The following GAS7 variants were observed in gnomAD, a reference collection of about 807,000 sequenced individuals.
The protein encoded by GAS7 is growth arrest specific 7, also known as growth arrest-specific protein 7.
Under a neutral mutation model 71.1 loss-of-function variants are expected in GAS7, and 28 were observed. The ratio of observed to expected loss-of-function variants is 0.39; its 90% CI spans 0.29 to 0.54. The LOEUF (loss-of-function observed/expected upper bound fraction) is 0.54, where lower values mean the gene tolerates loss of function less well. Ranked by LOEUF, GAS7 falls within the 20% of genes least tolerant of loss-of-function variation. GAS7 has a pLI of 0.62. For synonymous variants in GAS7, 258 were observed against 245.8 expected (o/e 1.05, Z -0.46); for missense variants, 436 against 627.8 (o/e 0.69, Z 3.27).
intron 1 of GAS7, among the ~76,000 whole-genome samples, chr17:10,126,632 G>A (rs557106822): frequency 5.9e-5 from 9 of 151,916 alleles, no homozygotes; most frequent in South Asian, 2.1e-4. Context: ...TCACACACTC[G>A]CGCACACACA....
Position 9,981,911 on chromosome 17 carries a change from A to C in GAS7, c.305-27T>G, listed in dbSNP as rs747314291. ...TGGTGAAAGAAGAGCAAAGAAAATC[A>C]CTTTGAGAATGTCACAGGGCAGAAC... On this transcript the variant is annotated intron_variant, in intron 2 of 13. Transcript: ENST00000432992. This position sits in a 1 kb window ranked among gnomAD's most constrained non-coding sequence, Gnocchi z 4.4. 8 of 1,285,784 alleles carry C rather than the reference A, an allele frequency of 6.2e-6. No homozygotes were observed. Among genetic ancestry groups the C allele is most frequent in the African/African-American group, 1.5e-5 (1 of 68,764 alleles). 79.6% of individuals were successfully genotyped at this position (1,285,784 alleles called of 1,614,324 possible).
At chr17:10,082,297 T>C (rs1485779495) in intron 1 of GAS7, among the ~76,000 whole-genome samples, 3 of 151,978 alleles carry the variant, frequency 2.0e-5, no homozygotes, top group African/African-American at 7.2e-5. Context: ...GGGAAAGGAA[T>C]TGGAAGAACA....
At chr17:10,051,955 C>T (rs1567570058) in intron 1 of GAS7, among the ~76,000 whole-genome samples, 4 of 152,116 alleles carry the variant, frequency 2.6e-5, no homozygotes, top group Non-Finnish European at 4.4e-5. Context: ...TAAAGGACTA[C>T]TGTGGACCAG....
At chr17:9,992,710 C>A (rs955097156) in intron 2 of GAS7, among the ~76,000 whole-genome samples, 7 of 151,730 alleles carry the variant, frequency 4.6e-5, no homozygotes, top group Admixed American at 2.6e-4. Flanking sequence ...CCCACCAACT[C>A]ATCATCTAGC....
At chr17:10,121,235 G>A (rs986618274) in intron 1 of GAS7, among the ~76,000 whole-genome samples, 1 of 152,120 alleles carries the variant, frequency 6.6e-6, no homozygotes, top group Non-Finnish European at 1.5e-5. Flanking sequence ...ACAAAAATTA[G>A]CCGGACGTGG....
intron 1 of GAS7, among the ~76,000 whole-genome samples, chr17:10,042,542 T>C (rs972079519): frequency 6.6e-6 from 1 of 152,076 alleles, no homozygotes; most frequent in African/African-American, 2.4e-5. Context: ...AGGCAGGTAT[T>C]GTATGTAGGA....
chr17:10,041,589 A>G (rs916201032), intron 1 of GAS7, among the ~76,000 whole-genome samples: 9 of 152,318 alleles, frequency 5.9e-5, no homozygotes, highest in African/African-American at 2.2e-4. Flanking sequence ...CCCAAAGTTA[A>G]TCTCTCAGAG....
At chr17:10,074,900 A>C (rs183026014) in intron 1 of GAS7, among the ~76,000 whole-genome samples, 31 of 152,222 alleles carry the variant, frequency 2.0e-4, no homozygotes, top group African/African-American at 7.2e-4. Context: ...GGAAATGCAG[A>C]GATATTGAAA....
chr17:10,091,555 T>C (rs2152256239), intron 1 of GAS7, among the ~76,000 whole-genome samples: 1 of 152,076 alleles, frequency 6.6e-6, no homozygotes, highest in Middle Eastern at 3.4e-3. Flanking sequence ...ACCCAGCTAA[T>C]TTTTGTATTT....
intron 2 of GAS7, among the ~76,000 whole-genome samples, chr17:9,982,824 G>GGAAAGAAAGGAAAGAAAGGAAA (rs1555611352): frequency 8.6e-6 from 1 of 116,184 alleles, no homozygotes; most frequent in African/African-American, 4.0e-5. Flanking sequence ...AGGAAAGAAA[G>GGAAAGAAAGGAAAGAAAGGAAA]GAAAGAAAGA....
chr17:9,937,931 A>G lies in GAS7; in HGVS notation c.806+2195T>C, dbSNP rs140139807. On this transcript the variant is annotated intron_variant, in intron 8 of 13. Transcript: ENST00000432992. ...TTTTTTTTACAGAGGTGAAATTCAT[A>G]TAACATAAAATTAACCGTTGAAAAG... Among the ~76,000 whole-genome samples the G allele has an allele frequency of 7.6e-4, 116 of 152,336 alleles. 1 individual carries two copies. Among genetic ancestry groups the G allele is most frequent in the African/African-American group, 2.7e-3 (112 of 41,564 alleles).
intron 11 of GAS7, among the ~76,000 whole-genome samples, chr17:9,920,543 A>G (rs1226303025): frequency 6.6e-6 from 1 of 152,224 alleles, no homozygotes; most frequent in Non-Finnish European, 1.5e-5. Context: ...TACACAAATC[A>G]CAGTCTGTGG....
intron 1 of GAS7, among the ~76,000 whole-genome samples, chr17:10,083,650 A>C (rs2073481865): frequency 6.6e-6 from 1 of 152,250 alleles, no homozygotes; most frequent in South Asian, 2.1e-4. Flanking sequence ...ATTTTATTGA[A>C]TGATGAAACA....
At chr17:10,102,955 T>C (rs2073719217) in intron 1 of GAS7, among the ~76,000 whole-genome samples, 1 of 152,140 alleles carries the variant, frequency 6.6e-6, no homozygotes, top group African/African-American at 2.4e-5. Flanking sequence ...AAACTTCCCA[T>C]TGAGGAAGGG....
Position 9,960,407 on chromosome 17 carries a change from C to A in GAS7, c.472-1152G>T, listed in dbSNP as rs76492995. ...GTTTCACCATGTTGGCCAGGCTGGT[C>A]TCGAACTTTTGACCTCAGGCGATCC... On this transcript the variant is annotated intron_variant, in intron 4 of 13. Coordinates refer to ENST00000432992, the MANE Select transcript of GAS7 (RefSeq NM_201433.2). Among the ~76,000 whole-genome samples, 14 of 152,270 alleles carry A rather than the reference C, an allele frequency of 9.2e-5. No homozygotes were observed. The East Asian group carries it at 2.5e-3, about 27-fold the overall frequency.
At chr17:10,138,861 C>T (rs933740001) in intron 1 of GAS7, among the ~76,000 whole-genome samples, 5 of 152,144 alleles carry the variant, frequency 3.3e-5, no homozygotes, top group Non-Finnish European at 1.5e-5. Flanking sequence ...TCCATCAAGT[C>T]ACCTTGGATT....
rs150537675 is a variant in GAS7, at chr17:9,932,186, C to G, written c.885+1980G>C. Among the ~76,000 whole-genome samples, 1,249 of 146,740 alleles carry G rather than the reference C, an allele frequency of 8.5e-3. 13 individuals are homozygous for G. The highest frequency in any genetic ancestry group is 0.03 in the African/African-American group (1,196 of 39,948). ...ACTGGGATGGTGCACTCTGAAAGGTCCCCCCCGCTTTTTTTTTTTTTTTTT... is the reference window on the plus strand; with the variant it reads ...ACTGGGATGGTGCACTCTGAAAGGTGCCCCCCGCTTTTTTTTTTTTTTTTT... On this transcript the variant is annotated intron_variant, in intron 9 of 13. Coordinates refer to ENST00000432992, the MANE Select transcript of GAS7 (RefSeq NM_201433.2).
chr17:10,114,769 G>A (rs2073844785), intron 1 of GAS7, among the ~76,000 whole-genome samples: 2 of 151,472 alleles, frequency 1.3e-5, no homozygotes, highest in Admixed American at 6.6e-5. Context: ...CACAGAGATC[G>A]CATTTTTCCA....
chr17:10,143,872 A>G (rs36057170), intron 1 of GAS7, among the ~76,000 whole-genome samples: 3,981 of 152,340 alleles, frequency 0.026, 76 homozygotes, highest in Middle Eastern at 0.051. Flanking sequence ...GTCAGGTTGC[A>G]TGGGCAAGGA....
Sources: gnomAD v4.1 joint callset for allele counts (sites outside exome capture counted in the v4.1 genomes callset) on GRCh38, gnomAD v4.1.1 for gene constraint, Gnocchi (gnomAD v3.1) non-coding constraint, MANE v1.5 for transcripts, NCBI Gene and HGNC (gene_info 2026-07-23, HGNC 2026-07-21) for gene names.